Variants in LARP1B observed in about 807,000 individuals in gnomAD.
The protein encoded by LARP1B is la-related protein 1B.
In LARP1B, 76 loss-of-function variants were observed where a neutral mutation model predicts 114.2. The ratio of observed to expected loss-of-function variants is 0.67; its 90% confidence interval spans 0.55 to 0.81. The LOEUF is 0.81. Ranked by LOEUF, LARP1B falls within the 30% of genes least tolerant of loss-of-function variation. LARP1B has a pLI of 0.00. For synonymous variants in LARP1B, 345 were observed against 348.0 expected (o/e 0.99, Z 0.10); for missense variants, 1,014 against 1,075.8 (o/e 0.94, Z 0.80).
chr4:128,128,387 A>G (rs1237385144), intron 11 of LARP1B, among the ~76,000 whole-genome samples: 2 of 152,216 alleles, frequency 1.3e-5, no homozygotes, highest in Middle Eastern at 3.2e-3. Context: ...AACTCATCAT[A>G]AATTGAAAAT....
chr4:128,087,830 G>T (rs1173060620), intron 5 of LARP1B, among the ~76,000 whole-genome samples: 1 of 151,852 alleles, frequency 6.6e-6, no homozygotes, highest in African/African-American at 2.4e-5. Context: ...AGTGCACAAT[G>T]ATCATACATG....
At chr4:128,185,700 A>T (rs1269851212) in intron 15 of LARP1B, among the ~76,000 whole-genome samples, 1 of 152,062 alleles carries the variant, frequency 6.6e-6, no homozygotes, top group Non-Finnish European at 1.5e-5. Flanking sequence ...ATATAATCTC[A>T]TTAGTCTATT....
rs1327636694 is a variant in LARP1B at position 128,210,607 on chromosome 4, A to T, written c.*554A>T. ...TATACCTTTAGTATCCCTTTGAGAC[A>T]TATAGTTTAAAGAAAACTTTTTTTA... is the stretch of plus-strand genomic sequence containing the variant. On this transcript the variant is annotated 3_prime_UTR_variant, in exon 20 of 20. Transcript: ENST00000326639. 16 of 925,702 alleles carry T rather than the reference A, an allele frequency of 1.7e-5. No individual in the cohort carries two copies. The highest frequency in any genetic ancestry group is 2.1e-5 in the Non-Finnish European group (16 of 775,660). The allele number at this position is 925,702 out of a possible 1,614,324, so 57.3% of individuals were successfully genotyped here.
chr4:128,108,754 T>G, intron 9 of LARP1B: 7 of 985,338 alleles, frequency 7.1e-6, no homozygotes, highest in Non-Finnish European at 7.2e-6. Flanking sequence ...TTAGCTAGCT[T>G]ATGAACATTG....
chr4:128,111,856 A>AT (rs569423146), intron 9 of LARP1B, among the ~76,000 whole-genome samples: 1,397 of 138,588 alleles, frequency 0.01, 5 homozygotes, highest in Admixed American at 0.017. Flanking sequence ...TAATTTTTGT[A>AT]TTTTTTTTTT....
chr4:128,140,074 A>G (rs201410085), intron 11 of LARP1B, among the ~76,000 whole-genome samples: 1 of 152,226 alleles, frequency 6.6e-6, no homozygotes, highest in Non-Finnish European at 1.5e-5. Context: ...AAAGGAATAT[A>G]AAATATCTCA....
At chr4:128,168,845 G>T (rs1391975785) in intron 12 of LARP1B, among the ~76,000 whole-genome samples, 1 of 151,368 alleles carries the variant, frequency 6.6e-6, no homozygotes, top group East Asian at 1.9e-4. Flanking sequence ...AAAATGAGTT[G>T]GTAAGTGTTC....
chr4:128,077,649 T>G, intron 3 of LARP1B, 139 bp from the exon 4 acceptor site: 1 of 864,136 alleles, frequency 1.2e-6, no homozygotes, highest in Non-Finnish European at 1.7e-6. Flanking sequence ...AACTGTCTTT[T>G]GAAAAGTAAT....
At position 128,210,715 on chromosome 4, in the gene LARP1B, C is replaced by T. The variant is rs749704801; in HGVS notation, c.*662C>T. 1 of 985,084 alleles carries T rather than the reference C, an allele frequency of 1.0e-6. No homozygotes were observed. The highest frequency in any genetic ancestry group is 1.7e-5 in the African/African-American group (1 of 57,200). 61.0% of individuals were successfully genotyped at this position (985,084 alleles called of 1,614,324 possible). ...ATGCTAGGTTTTGCTTTTCTCCCCC[C>T]AGTCATATCTCATGATTTCCACAGT... is the stretch of plus-strand genomic sequence containing the variant. On this transcript the variant is annotated 3_prime_UTR_variant, in exon 20 of 20. Transcript: ENST00000326639.
intron 11 of LARP1B, among the ~76,000 whole-genome samples, chr4:128,137,770 C>CATATAT (rs745646919): frequency 2.5e-4 from 36 of 141,316 alleles, no homozygotes; most frequent in African/African-American, 8.0e-4. Context: ...TGTGTGTATA[C>CATATAT]ATATATATAT....
intron 7 of LARP1B, among the ~76,000 whole-genome samples, chr4:128,091,849 G>A (rs1369833513): frequency 2.6e-5 from 4 of 152,042 alleles, no homozygotes; most frequent in Non-Finnish European, 5.9e-5. Context: ...TGCCCACCTT[G>A]GCCTCTCAAA....
rs1021836148 is a variant in LARP1B, at chr4:128,123,227, C to G, written c.1524+1039C>G. 7.1e-6 allele frequency: 7 copies of G among 985,320 alleles called. No individual in the cohort carries two copies. In the African/African-American group the frequency reaches 1.0e-4, roughly 15 times the overall value. The allele number at this position is 985,320 out of a possible 1,614,324, so 61.0% of individuals were successfully genotyped here. On this transcript the variant is annotated intron_variant, in intron 11 of 19. Transcript: ENST00000326639. ...CACTGCCTTCTTGGAGGACCTGCCT[C>G]AGGCTATGATAGCTTGTTACGTGAC...
chr4:128,073,833 G>A (rs567393404), intron 1 of LARP1B, among the ~76,000 whole-genome samples: 7 of 151,698 alleles, frequency 4.6e-5, no homozygotes, highest in African/African-American at 1.2e-4. Flanking sequence ...CCAGTGATCC[G>A]CCCATCTTGG....
Position 128,211,678 on chromosome 4 carries a change from C to T in LARP1B, c.*1625C>T, listed in dbSNP as rs189836985. 148 of 985,156 alleles carry T rather than the reference C, an allele frequency of 1.5e-4. No individual in the cohort carries two copies. The African/African-American group carries it at 2.3e-3, about 15-fold the overall frequency. The allele number at this position is 985,156 out of a possible 1,614,324, so 61.0% of individuals were successfully genotyped here. A position where few individuals can be genotyped will look rare whatever the true frequency, so the allele number is the denominator to read the frequency against. Reference sequence around the variant, plus strand: ...GCTTTTCAGTGAGAAATTTCCAAACCGTGCTTATTAGCTTTAAATGGTCTC... The same window carrying T: ...GCTTTTCAGTGAGAAATTTCCAAACTGTGCTTATTAGCTTTAAATGGTCTC... On this transcript the variant is annotated 3_prime_UTR_variant, in exon 20 of 20. Transcript: ENST00000326639.
chr4:128,065,255 TTC>T (rs201711829), intron 1 of LARP1B, among the ~76,000 whole-genome samples: 1 of 57,476 alleles, frequency 1.7e-5, no homozygotes, highest in Non-Finnish European at 3.9e-5. Flanking sequence ...CACAATTAAT[TTC>T]TTTCTTTCTT....
chr4:128,211,221 T>G lies in LARP1B; in HGVS notation c.*1168T>G. The G allele has an allele frequency of 1.1e-6, 1 of 940,364 alleles. No homozygotes were observed. Among genetic ancestry groups the G allele is most frequent in the Non-Finnish European group, 1.3e-6 (1 of 788,848 alleles). 58.3% of individuals were successfully genotyped at this position (940,364 alleles called of 1,614,324 possible). ...GTTTTGCTAGTAAAAGACCATTTTT[T>G]TGTGTGAATGAAGTTTCAATTATAA... On this transcript the variant is annotated 3_prime_UTR_variant, in exon 20 of 20. Coordinates refer to ENST00000326639, the MANE Select transcript of LARP1B (RefSeq NM_018078.4).
chr4:128,174,697 T>C (rs1745168763), intron 12 of LARP1B, among the ~76,000 whole-genome samples: 1 of 152,116 alleles, frequency 6.6e-6, no homozygotes, highest in African/African-American at 2.4e-5. Flanking sequence ...AGTTTGACAT[T>C]CTTTTTTAAT....
At chr4:128,178,027 TA>T (rs1746959793) in intron 13 of LARP1B, among the ~76,000 whole-genome samples, 1 of 134,194 alleles carries the variant, frequency 7.5e-6, no homozygotes, top group South Asian at 2.4e-4. Flanking sequence ...GAAAAAAGTT[TA>T]CAAAGTGATA....
chr4:128,165,562 T>C (rs896192285), intron 12 of LARP1B, among the ~76,000 whole-genome samples: 1 of 151,440 alleles, frequency 6.6e-6, no homozygotes, highest in Non-Finnish European at 1.5e-5. Context: ...TAGAAAAGAG[T>C]TGGTATTGCT....
Sources: gnomAD v4.1 joint callset for allele counts (sites outside exome capture counted in the v4.1 genomes callset) on GRCh38, gnomAD v4.1.1 for gene constraint, MANE v1.5 for transcripts, NCBI Gene and HGNC (gene_info 2026-07-23, HGNC 2026-07-21) for gene names.